ANO3: variants seen among roughly 807,000 people sequenced by gnomAD.
ANO3 encodes anoctamin-3.
A neutral mutation model predicts 144.8 loss-of-function variants in ANO3; 99 were observed. The ratio of observed to expected loss-of-function variants is 0.68; its 90% CI spans 0.58 to 0.81. The LOEUF is 0.81. ANO3 is among the 30% of genes least tolerant of loss of function. The probability of loss-of-function intolerance (pLI) is 0.00; values close to 1 mark genes in which losing one functional copy is unlikely to be tolerated. For synonymous variants in ANO3, 414 were observed against 392.6 expected (o/e 1.05, Z -0.64); for missense variants, 905 against 1,202.2 (o/e 0.75, Z 3.66).
intron 17 of ANO3, among the ~76,000 whole-genome samples, chr11:26,615,673 T>C (rs1396637932): frequency 6.6e-6 from 1 of 152,106 alleles, no homozygotes; most frequent in Non-Finnish European, 1.5e-5. Context: ...CCCTTCGATA[T>C]TTTAAGATTT....
chr11:26,196,428 G>C (rs562095072), intron 1 of ANO3, among the ~76,000 whole-genome samples: 23 of 152,098 alleles, frequency 1.5e-4, no homozygotes, highest in African/African-American at 5.3e-4. Flanking sequence ...ACTCTAGCTA[G>C]TGAAATTTCA....
intron 1 of ANO3, among the ~76,000 whole-genome samples, chr11:26,196,895 G>A (rs894532551): frequency 6.6e-6 from 1 of 152,198 alleles, no homozygotes; most frequent in Non-Finnish European, 1.5e-5. Context: ...CAAAATGCAA[G>A]ACATTGTACA....
At chr11:26,212,151 T>C (rs1457079891) in intron 1 of ANO3, among the ~76,000 whole-genome samples, 1 of 151,980 alleles carries the variant, frequency 6.6e-6, no homozygotes, top group Non-Finnish European at 1.5e-5. Flanking sequence ...GGCACGTGTA[T>C]ACCTATGTAA....
chr11:26,421,842 G>A lies in ANO3; in HGVS notation c.47-20076G>A, dbSNP rs190142895. ...CCATTATCCTTAGCAAACTAACACAGGAACAGAAAACCAAATATCGCATGT... is the reference window on the plus strand; with the variant it reads ...CCATTATCCTTAGCAAACTAACACAAGAACAGAAAACCAAATATCGCATGT... On this transcript the variant is annotated intron_variant, in intron 1 of 26. Transcript: ENST00000256737. 1.1e-4 allele frequency among the ~76,000 whole-genome samples: 16 copies of A among 152,152 alleles called. No homozygotes were observed. The East Asian group carries it at 2.9e-3, about 28-fold the overall frequency.
At chr11:26,436,368 G>A (rs1858295663) in intron 1 of ANO3, among the ~76,000 whole-genome samples, 1 of 152,166 alleles carries the variant, frequency 6.6e-6, no homozygotes, top group Admixed American at 6.5e-5. Context: ...AGGAGATACT[G>A]GATCAGGGAC....
intron 9 of ANO3, among the ~76,000 whole-genome samples, chr11:26,535,243 T>C (rs1188111748): frequency 6.6e-6 from 1 of 152,236 alleles, no homozygotes; most frequent in African/African-American, 2.4e-5. Context: ...ATAGTTAATT[T>C]TAATTTTCTA....
intron 1 of ANO3, among the ~76,000 whole-genome samples, chr11:26,334,975 T>A (rs969842332): frequency 6.6e-6 from 1 of 152,192 alleles, no homozygotes; most frequent in Admixed American, 6.5e-5. Context: ...TTCTCCTTTA[T>A]ATATGAGAAC....
intron 1 of ANO3, among the ~76,000 whole-genome samples, chr11:26,351,716 G>T (rs554710735): frequency 3.9e-4 from 59 of 152,292 alleles, no homozygotes; most frequent in African/African-American, 1.4e-3. Flanking sequence ...CCTTTCATTG[G>T]TTGAAACTTG....
rs761674312 is a variant in ANO3, at chr11:26,463,038, AAAGAT to A, written c.326_330del (p.Asp109GlyfsTer5). 1.3e-6 allele frequency: 2 copies of A among 1,539,682 alleles called. No homozygotes were observed. The highest frequency in any genetic ancestry group is 1.8e-6 in the Non-Finnish European group (2 of 1,139,282). On this transcript the variant is annotated frameshift_variant, in exon 4 of 27. Transcript: ENST00000256737. LOFTEE classifies it high-confidence loss of function. ...CTCTTTCTCTTTTATAGCCCTAGGA[AAAGAT>A]AAGGATTACACGGATGAATCAGAAC...
intron 3 of ANO3, among the ~76,000 whole-genome samples, chr11:26,456,605 G>A (rs1419700641): frequency 8.1e-6 from 1 of 123,252 alleles, no homozygotes; most frequent in African/African-American, 3.5e-5. Flanking sequence ...GGAGAAATAG[G>A]AACACTTTTA....
intron 1 of ANO3, among the ~76,000 whole-genome samples, chr11:26,249,142 A>G (rs1201975105): frequency 6.6e-6 from 1 of 152,168 alleles, no homozygotes; most frequent in African/African-American, 2.4e-5. Flanking sequence ...TCTTCAAAAT[A>G]TTTTGTAATG....
chr11:26,657,148 G>A (rs1312800305), intron 26 of ANO3, among the ~76,000 whole-genome samples: 1 of 152,084 alleles, frequency 6.6e-6, no homozygotes, highest in African/African-American at 2.4e-5. Flanking sequence ...AAATGAATCT[G>A]TTTTATATGG....
intron 1 of ANO3, among the ~76,000 whole-genome samples, chr11:26,403,726 C>T (rs1314230710): frequency 6.6e-6 from 1 of 151,930 alleles, no homozygotes; most frequent in Non-Finnish European, 1.5e-5. Flanking sequence ...AGCTCCTACA[C>T]TATGTAGCCC....
intron 1 of ANO3, among the ~76,000 whole-genome samples, chr11:26,377,213 A>T (rs1412406354): frequency 6.6e-6 from 1 of 152,164 alleles, no homozygotes; most frequent in Non-Finnish European, 1.5e-5. Context: ...ATAACAATAC[A>T]CACAATGTAT....
Position 26,442,008 on chromosome 11 carries a change from A to C in ANO3, c.137A>C (p.Tyr46Ser). ...SLPCLAQSYA[Y>S]SKSLSQSTSL... ...CCTTGCCTCGCCCAGAGCTACGCTTACTCAAAGAGCTTGAGCCAGTCTACT... is the reference window on the plus strand; with the variant it reads ...CCTTGCCTCGCCCAGAGCTACGCTTCCTCAAAGAGCTTGAGCCAGTCTACT... Residue 46 changes from tyrosine (Y) to serine (S), a missense_variant, in exon 2 of 27, where the codon TAC (tyrosine) becomes TCC (serine). Coordinates refer to ENST00000256737, the MANE Select transcript of ANO3 (RefSeq NM_031418.4). The C allele has an allele frequency of 6.2e-7, 1 of 1,614,166 alleles. No individual in the cohort carries two copies. Among genetic ancestry groups the C allele is most frequent in the Non-Finnish European group, 8.5e-7 (1 of 1,179,994 alleles).
At position 26,229,737 on chromosome 11, in the gene ANO3, A is replaced by G. The variant is rs555702190; in HGVS notation, c.154+40407A>G. Among the ~76,000 whole-genome samples the G allele has an allele frequency of 2.6e-5, 4 of 152,270 alleles. No individual in the cohort carries two copies. In the East Asian group the frequency reaches 5.8e-4, roughly 22 times the overall value. On this transcript the variant is annotated intron_variant, in intron 1 of 27. Coordinates refer to the ANO3 transcript ENST00000672621. ...TTGTTGTTTAAAATAAGCACCCTCT[A>G]CATCAACAAGAAGTTAGAAAGGGTG... is the stretch of plus-strand genomic sequence containing the variant.
intron 1 of ANO3, among the ~76,000 whole-genome samples, chr11:26,381,312 T>C (rs1254577036): frequency 1.3e-5 from 2 of 152,148 alleles, no homozygotes; most frequent in Non-Finnish European, 2.9e-5. Context: ...ACAAGAGTTA[T>C]AGTTTTTTGT....
chr11:26,238,466 C>G (rs1055608533), intron 1 of ANO3, among the ~76,000 whole-genome samples: 4 of 152,048 alleles, frequency 2.6e-5, no homozygotes, highest in African/African-American at 9.7e-5. Flanking sequence ...CATTAATACT[C>G]TAAAATTTAC....
intron 14 of ANO3, among the ~76,000 whole-genome samples, chr11:26,576,423 A>G (rs994633506): frequency 2.0e-5 from 3 of 152,156 alleles, no homozygotes; most frequent in Non-Finnish European, 1.5e-5. Flanking sequence ...CAGTGTCAGC[A>G]TGAATAAATG....
Sources: gnomAD v4.1 joint callset for allele counts (sites outside exome capture counted in the v4.1 genomes callset) on GRCh38, gnomAD v4.1.1 for gene constraint, MANE v1.5 for transcripts, NCBI Gene and HGNC (gene_info 2026-07-23, HGNC 2026-07-21) for gene names.